RIOK1: variants seen among roughly 807,000 people sequenced by gnomAD.
RIOK1 encodes RIO kinase 1, also known as serine/threonine-protein kinase RIO1.
RIOK1 carries 66 observed loss-of-function variants against 73.5 expected under a neutral mutation model. The observed-to-expected ratio is 0.90, with a 90% CI of 0.74 to 1.10. The LOEUF is 1.10. Among genes scored for constraint, RIOK1 ranks in the 50% least tolerant of loss-of-function variants. The pLI, the probability that RIOK1 is intolerant of heterozygous loss-of-function variation, is 0.00. For synonymous variants in RIOK1, 224 were observed against 226.8 expected (o/e 0.99, Z 0.11); for missense variants, 658 against 699.8 (o/e 0.94, Z 0.67).
At chr6:7,398,226 C>G (rs768450775) in intron 4 of RIOK1, among the ~76,000 whole-genome samples, 1 of 152,022 alleles carries the variant, frequency 6.6e-6, no homozygotes, top group Admixed American at 6.6e-5. Flanking sequence ...AAATGACTAA[C>G]TCTATGTGGA....
intron 8 of RIOK1, 27 bp downstream of exon 8, chr6:7,402,924 T>G: frequency 1.2e-6 from 2 of 1,600,082 alleles, no homozygotes; most frequent in Non-Finnish European, 1.7e-6. Context: ...TGTGTATGTC[T>G]GTCCTATGCC....
chr6:7,389,852 T>C lies in RIOK1; in HGVS notation c.-151T>C, dbSNP rs529818207. ...CAGGGTGGTGGATCTGTCGGTCCCG[T>C]TTTCCCGTCGCACGTGGTGGCCACT... On this transcript the variant is annotated 5_prime_UTR_variant, in exon 1 of 17. Coordinates refer to ENST00000379834, the MANE Select transcript of RIOK1 (RefSeq NM_031480.3). 8 of 630,182 alleles carry C rather than the reference T, an allele frequency of 1.3e-5. No homozygotes were observed. In the East Asian group the frequency reaches 2.2e-4, roughly 18 times the overall value. 39.0% of individuals were successfully genotyped at this position (630,182 alleles called of 1,614,324 possible). A position where few individuals can be genotyped will look rare whatever the true frequency, so the allele number is the denominator to read the frequency against.
At chr6:7,397,410 T>G (rs1761500361) in intron 4 of RIOK1, among the ~76,000 whole-genome samples, 1 of 152,240 alleles carries the variant, frequency 6.6e-6, no homozygotes, top group Admixed American at 6.5e-5. Flanking sequence ...AATGTTCCCT[T>G]AAAATTTATT....
At chr6:7,404,658 T>C in intron 10 of RIOK1, 103 bp downstream of exon 10, 1 of 1,378,016 alleles carries the variant, frequency 7.3e-7, no homozygotes, top group Non-Finnish European at 1.0e-6. Context: ...CTTCTGAAGT[T>C]TTATTGTTGA....
chr6:7,405,637 T>G (rs756637524), intron 12 of RIOK1, among the ~76,000 whole-genome samples: 1 of 152,190 alleles, frequency 6.6e-6, no homozygotes, highest in Non-Finnish European at 1.5e-5. Flanking sequence ...AACCAGTAAT[T>G]GCATTTGCTT....
intron 16 of RIOK1, among the ~76,000 whole-genome samples, chr6:7,414,659 A>C (rs571955272): frequency 2.0e-5 from 3 of 152,308 alleles, no homozygotes; most frequent in African/African-American, 7.2e-5. Flanking sequence ...GTGATGTTAG[A>C]GTTGACCCAG....
In RIOK1 at chr6:7,411,470, A is replaced by G. The variant is rs1344708594; in HGVS notation, c.1389+19A>G. On this transcript the variant is annotated intron_variant, in intron 14 of 16. Transcript: ENST00000379834. ...AGATAATGTAAGTAGCTTGGTTTGT[A>G]TATAGCAAGCAGCTCTTCAAAAGTA... 2 of 1,613,454 alleles carry G rather than the reference A, an allele frequency of 1.2e-6. No homozygotes were observed. The highest frequency in any genetic ancestry group is 1.7e-6 in the Non-Finnish European group (2 of 1,179,646).
chr6:7,404,100 A>G (rs1761681092), intron 9 of RIOK1, 73 bp downstream of exon 9: 1 of 1,005,446 alleles, frequency 9.9e-7, no homozygotes. Flanking sequence ...TATCCACTAT[A>G]TGAATATTTC....
intron 1 of RIOK1, among the ~76,000 whole-genome samples, chr6:7,390,383 C>A (rs1761298738): frequency 6.6e-6 from 1 of 152,196 alleles, no homozygotes; most frequent in South Asian, 2.1e-4. Flanking sequence ...TAGCGTTCAA[C>A]AAATACTTAC....
chr6:7,398,723 A>G lies in RIOK1; in HGVS notation c.463A>G (p.Arg155Gly). 3 of 1,612,704 alleles carry G rather than the reference A, an allele frequency of 1.9e-6. No individual in the cohort carries two copies. The highest frequency in any genetic ancestry group is 1.1e-5 in the South Asian group (1 of 90,840). Residue 155 changes from arginine to glycine, a missense_variant, in exon 5 of 17, where the codon AGA becomes GGA. Coordinates refer to ENST00000379834, the MANE Select transcript of RIOK1 (RefSeq NM_031480.3). ...DMYRIKDKADRATVEQVLDPR... is the reference protein window; with the variant it reads ...DMYRIKDKADGATVEQVLDPR... ...GTATCGCATCAAAGATAAGGCAGAC[A>G]GAGCAACTGTAGAACAGGTACAATT...
chr6:7,417,596 A>G lies in RIOK1; in HGVS notation c.*155A>G, dbSNP rs776584058. 21 of 487,856 alleles carry G rather than the reference A, an allele frequency of 4.3e-5. No individual in the cohort carries two copies. The highest frequency in any genetic ancestry group is 7.8e-5 in the Non-Finnish European group (21 of 269,834). The allele number at this position is 487,856 out of a possible 1,614,324, so 30.2% of individuals were successfully genotyped here. On this transcript the variant is annotated 3_prime_UTR_variant, in exon 17 of 17. Transcript: ENST00000379834. Reference sequence around the variant, plus strand: ...TTCAAATGTTTTCATGTAACTATGTAAAAAGCTCTAAGCTCTAGAGTCTAG... The same window carrying G: ...TTCAAATGTTTTCATGTAACTATGTGAAAAGCTCTAAGCTCTAGAGTCTAG...
chr6:7,395,226 A>G, intron 3 of RIOK1, 83 bp downstream of exon 3: 1 of 1,475,912 alleles, frequency 6.8e-7, no homozygotes. Flanking sequence ...TAGATCAAGA[A>G]ATGAAGGCTG....
rs777194050 is a variant in RIOK1, at chr6:7,410,408, G to C, written c.1226G>C (p.Arg409Thr). The change falls in exon 13 of 17, where the codon AGG (arginine) becomes ACG (threonine). Residue 409 changes from arginine (R) to threonine (T), a missense_variant. Coordinates refer to ENST00000379834, the MANE Select transcript of RIOK1 (RefSeq NM_031480.3). ...LSKAMEIASQ[R>T]TKEERSSQDH... Reference sequence around the variant, plus strand: ...AAGGCCATGGAAATAGCATCTCAAAGGACCAAGGAAGAACGGTCTAGCCAA... The same window carrying C: ...AAGGCCATGGAAATAGCATCTCAAACGACCAAGGAAGAACGGTCTAGCCAA... 6.2e-7 allele frequency: 1 copy of C among 1,612,796 alleles called. No individual in the cohort carries two copies. Among genetic ancestry groups the C allele is most frequent in the Admixed American group, 1.7e-5 (1 of 59,992 alleles).
intron 9 of RIOK1, 82 bp from the exon 10 acceptor site, chr6:7,404,335 TA>T: frequency 1.4e-6 from 2 of 1,480,896 alleles, no homozygotes; most frequent in South Asian, 2.4e-5. Flanking sequence ...TGATGAGTTG[TA>T]GAAGAGAAGG....
chr6:7,401,371 T>A (rs1761607778), intron 6 of RIOK1, among the ~76,000 whole-genome samples: 1 of 152,164 alleles, frequency 6.6e-6, no homozygotes, highest in Non-Finnish European at 1.5e-5. Flanking sequence ...AAGTCTTTCT[T>A]ATTTTTTTCT....
intron 8 of RIOK1, 134 bp downstream of exon 8, chr6:7,403,031 T>C (rs1761652520): frequency 1.6e-6 from 1 of 644,072 alleles, no homozygotes; most frequent in South Asian, 2.4e-5. Flanking sequence ...TTAGGTCTGC[T>C]GAAGTAAGCA....
intron 12 of RIOK1, 23 bp downstream of exon 12, chr6:7,405,378 G>A: frequency 7.3e-7 from 1 of 1,373,424 alleles, no homozygotes; most frequent in South Asian, 1.2e-5. Flanking sequence ...GAGGAAGGAG[G>A]AATAGGAAAT....
chr6:7,402,789 G>A (rs751823129), intron 7 of RIOK1, 28 bp from the exon 8 acceptor site: 1 of 1,602,974 alleles, frequency 6.2e-7, no homozygotes, highest in South Asian at 1.1e-5. Flanking sequence ...TGGAATGATT[G>A]AAATAATAAA....
intron 15 of RIOK1, among the ~76,000 whole-genome samples, chr6:7,413,681 G>T (rs1292388848): frequency 2.6e-5 from 4 of 152,128 alleles, no homozygotes; most frequent in Non-Finnish European, 5.9e-5. Context: ...AGAAAATCTT[G>T]TTGTACAATT....
Sources: allele counts gnomAD v4.1 joint callset (sites outside exome capture counted in the v4.1 genomes callset), GRCh38; gene constraint gnomAD v4.1.1; transcripts MANE v1.5; gene names NCBI Gene and HGNC (gene_info 2026-07-23, HGNC 2026-07-21).